KCNH7: variants seen among roughly 807,000 people sequenced by gnomAD.
The protein encoded by KCNH7 is potassium voltage-gated channel subfamily H member 7.
A neutral mutation model predicts 120.8 loss-of-function variants in KCNH7; 49 were observed. The ratio of observed to expected loss-of-function variants is 0.41; its 90% CI spans 0.32 to 0.51. KCNH7 has a LOEUF of 0.51. KCNH7 is among the 20% of genes least tolerant of loss of function. The pLI is 0.38. For missense variants in KCNH7, 1,097 were observed against 1,446.6 expected, an observed-to-expected ratio of 0.76 and a Z score of 3.92; for synonymous variants, 547 against 516.1, an observed-to-expected ratio of 1.06 and a Z score of -0.81.
At chr2:162,588,387 T>C (rs1318037069) in intron 2 of KCNH7, among the ~76,000 whole-genome samples, 1 of 152,142 alleles carries the variant, frequency 6.6e-6, no homozygotes. Flanking sequence ...TGTTTATTAA[T>C]TTTTTACTAT....
chr2:162,836,512 G>A, intron 2 of KCNH7, 25 bp downstream of exon 2: 1 of 1,570,842 alleles, frequency 6.4e-7, no homozygotes, highest in Non-Finnish European at 8.7e-7. Flanking sequence ...TCAAATAGAA[G>A]GAATCCTAAA....
At chr2:162,807,422 G>A (rs1684589060) in intron 2 of KCNH7, among the ~76,000 whole-genome samples, 1 of 151,798 alleles carries the variant, frequency 6.6e-6, no homozygotes, top group Non-Finnish European at 1.5e-5. Flanking sequence ...AGGCAATAGA[G>A]CAAGACTCTG....
intron 2 of KCNH7, among the ~76,000 whole-genome samples, chr2:162,730,200 T>C (rs984690502): frequency 6.6e-6 from 1 of 151,328 alleles, no homozygotes; most frequent in Admixed American, 6.6e-5. Context: ...GGATCCAAAA[T>C]ATATCTAGTA....
chr2:162,641,521 C>G (rs1390174246), intron 2 of KCNH7, among the ~76,000 whole-genome samples: 1 of 151,694 alleles, frequency 6.6e-6, no homozygotes, highest in Non-Finnish European at 1.5e-5. Flanking sequence ...TCAAGACCAG[C>G]CTCCTCAACA....
intron 7 of KCNH7, among the ~76,000 whole-genome samples, chr2:162,436,893 T>G (rs1688257566): frequency 6.6e-6 from 1 of 152,148 alleles, no homozygotes; most frequent in Non-Finnish European, 1.5e-5. Flanking sequence ...TAGGATCACT[T>G]GAGCCCAGGT....
intron 2 of KCNH7, among the ~76,000 whole-genome samples, chr2:162,776,363 G>C (rs1161971068): frequency 6.6e-6 from 1 of 152,178 alleles, no homozygotes; most frequent in Non-Finnish European, 1.5e-5. Flanking sequence ...TCTCTGTTAA[G>C]TGTAGTTAAA....
rs146183687 is a variant in KCNH7 at position 162,659,902 on chromosome 2, T to A, written c.308-122822A>T. On this transcript the variant is annotated intron_variant, in intron 2 of 15. Coordinates refer to ENST00000332142, the MANE Select transcript of KCNH7 (RefSeq NM_033272.4). ...TTTCTGGTAGAACTCACCATTGAAC[T>A]CATCTAGGCCAGGTATTTTATCTTT... Among the ~76,000 whole-genome samples, 692 of 152,292 alleles carry A rather than the reference T, an allele frequency of 4.5e-3. 9 individuals carry two copies. Among genetic ancestry groups the A allele is most frequent in the African/African-American group, 0.016 (658 of 41,562 alleles).
chr2:162,764,497 T>C (rs1689079733), intron 2 of KCNH7, among the ~76,000 whole-genome samples: 1 of 152,190 alleles, frequency 6.6e-6, no homozygotes, highest in Non-Finnish European at 1.5e-5. Flanking sequence ...TAGGTCATTA[T>C]TAGAAACTAC....
intron 2 of KCNH7, among the ~76,000 whole-genome samples, chr2:162,833,005 C>A (rs987231514): frequency 1.4e-5 from 2 of 146,386 alleles, no homozygotes; most frequent in Non-Finnish European, 3.0e-5. Context: ...AAAATTGCTA[C>A]CATAGTGTGT....
chr2:162,494,982 T>G (rs1439192636), intron 6 of KCNH7, among the ~76,000 whole-genome samples: 6 of 152,230 alleles, frequency 3.9e-5, no homozygotes, highest in Admixed American at 3.9e-4. Context: ...TTGAACTATT[T>G]AGAGCCTTTA....
At chr2:162,784,789 C>T (rs1195678603) in intron 2 of KCNH7, 1 of 152,102 alleles carries the variant, frequency 6.6e-6, no homozygotes, top group African/African-American at 2.4e-5. Flanking sequence ...CCCTTCCTTT[C>T]CTAAAGATCT....
At chr2:162,619,363 T>C (rs1384514248) in intron 2 of KCNH7, among the ~76,000 whole-genome samples, 1 of 151,942 alleles carries the variant, frequency 6.6e-6, no homozygotes, top group African/African-American at 2.4e-5. Flanking sequence ...CCTAGGGTAA[T>C]ACTGAAAAGT....
At chr2:162,747,935 G>T (rs1275855725) in intron 2 of KCNH7, among the ~76,000 whole-genome samples, 2 of 152,128 alleles carry the variant, frequency 1.3e-5, no homozygotes, top group Non-Finnish European at 2.9e-5. Flanking sequence ...TACTTATTCT[G>T]ATTTTTTATT....
intron 2 of KCNH7, among the ~76,000 whole-genome samples, chr2:162,590,446 G>C (rs1202565551): frequency 6.6e-6 from 1 of 152,088 alleles, no homozygotes; most frequent in African/African-American, 2.4e-5. Flanking sequence ...AAAGGAATGA[G>C]ATTAAAGTGA....
intron 2 of KCNH7, among the ~76,000 whole-genome samples, chr2:162,547,340 TAGG>T (rs1692513595): frequency 6.6e-6 from 1 of 152,022 alleles, no homozygotes; most frequent in South Asian, 2.1e-4. Flanking sequence ...AGGTAGAAAT[TAGG>T]AGGAGAGGCA....
At chr2:162,607,201 C>A (rs1372642045) in intron 2 of KCNH7, among the ~76,000 whole-genome samples, 2 of 141,298 alleles carry the variant, frequency 1.4e-5, no homozygotes, top group African/African-American at 5.5e-5. Flanking sequence ...ATGGTGAAAC[C>A]CCGTCTCTAC....
At chr2:162,582,992 C>T (rs1324929491) in intron 2 of KCNH7, among the ~76,000 whole-genome samples, 1 of 152,026 alleles carries the variant, frequency 6.6e-6, no homozygotes, top group Non-Finnish European at 1.5e-5. Flanking sequence ...ATTTTAGTTG[C>T]TTAGTGAGAG....
chr2:162,595,746 G>A (rs772389876), intron 2 of KCNH7, among the ~76,000 whole-genome samples: 10 of 151,616 alleles, frequency 6.6e-5, no homozygotes, highest in Non-Finnish European at 1.2e-4. Flanking sequence ...GAAATACAAG[G>A]CATCCAAACA....
At chr2:162,655,586 A>T (rs960514324) in intron 2 of KCNH7, among the ~76,000 whole-genome samples, 6 of 151,972 alleles carry the variant, frequency 3.9e-5, no homozygotes, top group African/African-American at 1.5e-4. Flanking sequence ...AGAGATCGAG[A>T]CCATCCTGGC....
Sources: gnomAD v4.1 joint callset for allele counts (sites outside exome capture counted in the v4.1 genomes callset) on GRCh38, gnomAD v4.1.1 for gene constraint, MANE v1.5 for transcripts, NCBI Gene and HGNC (gene_info 2026-07-23, HGNC 2026-07-21) for gene names.